Variants in OVCH1 observed in about 807,000 individuals in gnomAD.
OVCH1 encodes ovochymase-1.
OVCH1 carries 139 observed loss-of-function variants against 138.4 expected under a neutral mutation model. That is an observed-to-expected ratio of 1.00 (90% confidence interval 0.87 to 1.16). OVCH1 has a LOEUF of 1.16. Among genes scored for constraint, OVCH1 ranks in the 50% most tolerant of loss-of-function variants. The pLI is 0.00. For missense variants in OVCH1, 1,367 were observed against 1,357.9 expected (o/e 1.01, Z -0.11); for synonymous variants, 453 against 467.8 (o/e 0.97, Z 0.41).
chr12:29,457,947 GAAC>G (rs1592063660), intron 19 of OVCH1, among the ~76,000 whole-genome samples: 1 of 152,092 alleles, frequency 6.6e-6, no homozygotes, highest in Non-Finnish European at 1.5e-5. Flanking sequence ...AAACCTGGAG[GAAC>G]AACATTTTAT....
At chr12:29,460,254 CCTTGTAATGTT>C (rs1464501424) in intron 19 of OVCH1, among the ~76,000 whole-genome samples, 1 of 152,136 alleles carries the variant, frequency 6.6e-6, no homozygotes, top group Non-Finnish European at 1.5e-5. Flanking sequence ...AATAAGCTCA[CCTTGTAATGTT>C]AGATGCTGTC....
chr12:29,489,221 T>TA (rs1227908498), intron 6 of OVCH1, among the ~76,000 whole-genome samples: 1 of 152,196 alleles, frequency 6.6e-6, no homozygotes, highest in Non-Finnish European at 1.5e-5. Flanking sequence ...TAAAGCTATG[T>TA]ATCTTCAGTC....
chr12:29,413,325 T>A (rs1464561679), intron 3 of OVCH1, among the ~76,000 whole-genome samples: 1 of 152,148 alleles, frequency 6.6e-6, no homozygotes, highest in Admixed American at 6.5e-5. Flanking sequence ...AGCTCTTGGT[T>A]TCTCATCCAT....
At chr12:29,477,723 C>T in intron 9 of OVCH1, 1 of 946,100 alleles carries the variant, frequency 1.1e-6, no homozygotes, top group Non-Finnish European at 1.6e-6. Context: ...CAAAATTCAG[C>T]TCTCTGATAA....
At chr12:29,437,205 C>T (rs1021608330) in intron 26 of OVCH1, among the ~76,000 whole-genome samples, 1 of 152,168 alleles carries the variant, frequency 6.6e-6, no homozygotes, top group Non-Finnish European at 1.5e-5. Flanking sequence ...TGTTTAGAAT[C>T]CTTTAGCTAG....
chr12:29,497,210 C>T (rs576105641), intron 1 of OVCH1, among the ~76,000 whole-genome samples: 23 of 152,208 alleles, frequency 1.5e-4, no homozygotes, highest in East Asian at 3.9e-4. Flanking sequence ...TTGAGGGAGC[C>T]GTGATCGCAT....
At chr12:29,407,219 T>C in the OVCH1 span, among the ~76,000 whole-genome samples, 1 of 138,778 alleles carries the variant, frequency 7.2e-6, no homozygotes. Flanking sequence ...CTTTGTCAGA[T>C]GAGTAGGTTG....
intron 22 of OVCH1, among the ~76,000 whole-genome samples, chr12:29,449,024 T>C (rs1472465926): frequency 3.9e-5 from 6 of 152,182 alleles, no homozygotes; most frequent in Admixed American, 3.3e-4. Context: ...GTTTGTTCTG[T>C]TGAACAAAAA....
chr12:29,404,074 A>G, the OVCH1 span, among the ~76,000 whole-genome samples: 202 of 152,336 alleles, frequency 1.3e-3, 1 homozygote, highest in African/African-American at 4.5e-3. Context: ...AGTGACACTG[A>G]ATATTTCAGC....
intron 27 of OVCH1, among the ~76,000 whole-genome samples, chr12:29,431,997 T>C (rs1026186573): frequency 1.3e-5 from 2 of 152,208 alleles, no homozygotes; most frequent in African/African-American, 4.8e-5. Flanking sequence ...ATTACCTTTA[T>C]TCAAATAAAC....
exon 8 of OVCH1, chr12:29,486,320 T>C (rs779517580): frequency 6.2e-7 from 1 of 1,613,752 alleles, no homozygotes; most frequent in Admixed American, 1.7e-5. Flanking sequence ...TTGAGCCCAC[T>C]TTTGAGAGGG....
intron 27 of OVCH1, among the ~76,000 whole-genome samples, chr12:29,433,490 C>G (rs549029562): frequency 7.9e-5 from 12 of 152,238 alleles, no homozygotes; most frequent in African/African-American, 2.9e-4. Context: ...TACCCAGTCT[C>G]AGGTATTTCT....
intron 19 of OVCH1, among the ~76,000 whole-genome samples, chr12:29,458,168 A>G (rs991881340): frequency 6.6e-6 from 1 of 152,114 alleles, no homozygotes; most frequent in African/African-American, 2.4e-5. Flanking sequence ...ACCACAAAAG[A>G]CTCAGAACAG....
downstream of OVCH1, chr12:29,427,551 C>T (rs1415915946): frequency 4.5e-6 from 7 of 1,550,932 alleles, no homozygotes; most frequent in East Asian, 1.5e-4. Flanking sequence ...ATGTGAGGAC[C>T]CAGTGAGAAT....
chr12:29,464,330 A>C, intron 18 of OVCH1, 177 bp downstream of exon 18: 1 of 756,590 alleles, frequency 1.3e-6, no homozygotes, highest in East Asian at 2.7e-5. Flanking sequence ...CCTGAAGGAA[A>C]AGTTTTAAAT....
chr12:29,471,062 G>T (rs959264457), intron 16 of OVCH1, among the ~76,000 whole-genome samples: 21 of 152,018 alleles, frequency 1.4e-4, no homozygotes, highest in Non-Finnish European at 1.5e-4. Flanking sequence ...TTTTGATGGG[G>T]TTGTTAGTTT....
chr12:29,415,920 G>A (rs1386179664), intron 3 of OVCH1, among the ~76,000 whole-genome samples: 1 of 152,014 alleles, frequency 6.6e-6, no homozygotes, highest in African/African-American at 2.4e-5. Context: ...ACAATAATAT[G>A]TAGTAGTATG....
chr12:29,440,411 C>T (rs1466975999), intron 25 of OVCH1: 1 of 177,228 alleles, frequency 5.6e-6, no homozygotes, highest in Admixed American at 6.2e-5. Flanking sequence ...TTTTTCCAAT[C>T]TTTGTGTGCC....
At chr12:29,471,304 A>G (rs1592084143) in intron 16 of OVCH1, among the ~76,000 whole-genome samples, 1 of 152,206 alleles carries the variant, frequency 6.6e-6, no homozygotes, top group Middle Eastern at 3.2e-3. Flanking sequence ...CAGTAGTGCA[A>G]TAATCAAGGC....
Sources: allele counts gnomAD v4.1 joint callset (sites outside exome capture counted in the v4.1 genomes callset), GRCh38; gene constraint gnomAD v4.1.1; transcripts MANE v1.5; gene names NCBI Gene and HGNC (gene_info 2026-07-23, HGNC 2026-07-21).